Variants in GALNTL6 observed in about 807,000 individuals in gnomAD.
GALNTL6 encodes the protein polypeptide N-acetylgalactosaminyltransferase like 6, also known as polypeptide N-acetylgalactosaminyltransferase-like 6.
In GALNTL6, 46 loss-of-function variants were observed where a neutral mutation model predicts 73.7. The observed-to-expected ratio is 0.62, with a 90% CI of 0.49 to 0.80. The LOEUF (loss-of-function observed/expected upper bound fraction) is 0.80. Ranked by LOEUF, GALNTL6 falls within the 30% of genes least tolerant of loss-of-function variation. The pLI is 0.00. For synonymous variants in GALNTL6, 259 were observed against 263.7 expected (o/e 0.98, Z 0.17); for missense variants, 604 against 755.0 (o/e 0.80, Z 2.34).
At chr4:172,732,914 C>A (rs1261396035) in intron 5 of GALNTL6, among the ~76,000 whole-genome samples, 2 of 152,210 alleles carry the variant, frequency 1.3e-5, no homozygotes, top group Non-Finnish European at 2.9e-5. Context: ...TTACCTATCT[C>A]TTAACAGGTT....
chr4:172,152,116 AC>A (rs1369904191), intron 2 of GALNTL6, among the ~76,000 whole-genome samples: 2 of 151,984 alleles, frequency 1.3e-5, no homozygotes, highest in African/African-American at 4.8e-5. Context: ...AGCTGGGATC[AC>A]AGTTGGGCAC....
chr4:171,961,137 C>G (rs1386961473), intron 2 of GALNTL6, among the ~76,000 whole-genome samples: 1 of 152,088 alleles, frequency 6.6e-6, no homozygotes. Flanking sequence ...GATGGTAGCA[C>G]CAATTCTCCA....
At chr4:172,826,327 G>A (rs754775269) in intron 7 of GALNTL6, among the ~76,000 whole-genome samples, 3 of 152,202 alleles carry the variant, frequency 2.0e-5, no homozygotes, top group Non-Finnish European at 2.9e-5. Flanking sequence ...CAGCACCTGC[G>A]GACAGGCAGG....
chr4:172,855,694 C>A (rs906926694), intron 7 of GALNTL6, among the ~76,000 whole-genome samples: 1 of 152,180 alleles, frequency 6.6e-6, no homozygotes, highest in Non-Finnish European at 1.5e-5. Context: ...TGGATTCTAT[C>A]ACTGGCCACA....
intron 4 of GALNTL6, among the ~76,000 whole-genome samples, chr4:172,343,488 G>A (rs1741639499): frequency 6.6e-6 from 1 of 152,014 alleles, no homozygotes; most frequent in South Asian, 2.1e-4. Context: ...TCAAGTATTT[G>A]TAATTAAAAT....
At chr4:172,197,101 C>T (rs1220495253) in intron 2 of GALNTL6, among the ~76,000 whole-genome samples, 1 of 152,058 alleles carries the variant, frequency 6.6e-6, no homozygotes, top group Non-Finnish European at 1.5e-5. Flanking sequence ...TCTTAGGATA[C>T]AAAATCAATG....
chr4:171,951,971 G>C (rs903952192), intron 2 of GALNTL6, among the ~76,000 whole-genome samples: 26 of 151,908 alleles, frequency 1.7e-4, no homozygotes, highest in Non-Finnish European at 3.8e-4. Context: ...TTTTAAAAAT[G>C]AAAGTTTGGA....
intron 5 of GALNTL6, among the ~76,000 whole-genome samples, chr4:172,539,513 A>G (rs1735472841): frequency 6.6e-6 from 1 of 152,010 alleles, no homozygotes; most frequent in Admixed American, 6.6e-5. Context: ...CACATTTTCA[A>G]CTGTGTATCA....
chr4:172,935,579 TA>T (rs970372058), intron 9 of GALNTL6, among the ~76,000 whole-genome samples: 5 of 151,650 alleles, frequency 3.3e-5, no homozygotes, highest in African/African-American at 9.7e-5. Flanking sequence ...ATAGATGCAA[TA>T]AAAAAATGAT....
At chr4:172,491,079 A>C (rs958724047) in intron 5 of GALNTL6, among the ~76,000 whole-genome samples, 1 of 152,148 alleles carries the variant, frequency 6.6e-6, no homozygotes, top group African/African-American at 2.4e-5. Flanking sequence ...AGCTGCTGTT[A>C]TGGCATTTTA....
At chr4:172,396,901 A>G (rs950109442) in intron 5 of GALNTL6, among the ~76,000 whole-genome samples, 2 of 152,234 alleles carry the variant, frequency 1.3e-5, no homozygotes, top group Admixed American at 6.5e-5. Context: ...ATAGCAAAAC[A>G]TCCATCATTA....
At chr4:172,421,975 A>G (rs946756034) in intron 5 of GALNTL6, among the ~76,000 whole-genome samples, 1 of 152,118 alleles carries the variant, frequency 6.6e-6, no homozygotes, top group African/African-American at 2.4e-5. Flanking sequence ...AAAAAATTAG[A>G]TGTCCTCAAA....
intron 2 of GALNTL6, among the ~76,000 whole-genome samples, chr4:171,820,963 A>G (rs961375501): frequency 6.6e-6 from 1 of 152,180 alleles, no homozygotes; most frequent in East Asian, 1.9e-4. Context: ...TTTTTTCATT[A>G]TATTAAAAAT....
intron 5 of GALNTL6, among the ~76,000 whole-genome samples, chr4:172,423,552 C>A (rs1428898235): frequency 2.6e-5 from 4 of 152,050 alleles, no homozygotes; most frequent in Admixed American, 2.6e-4. Flanking sequence ...AATATTTTCA[C>A]CTCCTCAAAA....
At position 172,497,991 on chromosome 4, in the gene GALNTL6, C is replaced by CTTTTTTTTTTTTTTTTTTT. The variant is rs10669113; in HGVS notation, c.553+149312_553+149313insTTTTTTTTTTTTTTTTTTT. Among the ~76,000 whole-genome samples, 3 of 104,586 alleles carry CTTTTTTTTTTTTTTTTTTT rather than the reference C, an allele frequency of 2.9e-5. 1 individual carries two copies. Among genetic ancestry groups the CTTTTTTTTTTTTTTTTTTT allele is most frequent in the Non-Finnish European group, 3.7e-5 (2 of 54,034 alleles). 68.6% of individuals were successfully genotyped at this position (104,586 alleles called of 152,430 possible). A position where few individuals can be genotyped will look rare whatever the true frequency, so the allele number is the denominator to read the frequency against. On this transcript the variant is annotated intron_variant, in intron 5 of 12. Coordinates refer to ENST00000506823, the MANE Select transcript of GALNTL6 (RefSeq NM_001034845.3). Reference sequence around the variant, plus strand: ...ACAGACTTTGGGGAATGTCACATTTCTTTTTTTTTTGTTTTTTTGAGATGG... The same window carrying CTTTTTTTTTTTTTTTTTTT: ...ACAGACTTTGGGGAATGTCACATTTCTTTTTTTTTTTTTTTTTTTTTTTTTTTTTGTTTTTTTGAGATGG...
At chr4:172,423,303 T>C (rs906830671) in intron 5 of GALNTL6, among the ~76,000 whole-genome samples, 2 of 152,090 alleles carry the variant, frequency 1.3e-5, no homozygotes, top group Admixed American at 1.3e-4. Flanking sequence ...ACAATGTCTC[T>C]GCATTTCTCA....
chr4:172,576,770 G>A (rs547929962), intron 5 of GALNTL6, among the ~76,000 whole-genome samples: 51 of 152,198 alleles, frequency 3.4e-4, no homozygotes, highest in Non-Finnish European at 3.8e-4. Context: ...AGCCTAATAA[G>A]GAAACTATTG....
At chr4:172,030,512 A>T (rs992712361) in intron 2 of GALNTL6, among the ~76,000 whole-genome samples, 1 of 151,868 alleles carries the variant, frequency 6.6e-6, no homozygotes, top group Non-Finnish European at 1.5e-5. Flanking sequence ...GGAGTTTGAG[A>T]CCAGACTGAC....
chr4:172,492,858 G>A (rs956247537), intron 5 of GALNTL6, among the ~76,000 whole-genome samples: 9 of 152,070 alleles, frequency 5.9e-5, no homozygotes, highest in African/African-American at 2.2e-4. Flanking sequence ...GGGGAAGTAC[G>A]TTTATCCCAG....
Sources: allele counts gnomAD v4.1 joint callset (sites outside exome capture counted in the v4.1 genomes callset), GRCh38; gene constraint gnomAD v4.1.1; transcripts MANE v1.5; gene names NCBI Gene and HGNC (gene_info 2026-07-23, HGNC 2026-07-21).